PRSS54: variants seen among roughly 807,000 people sequenced by gnomAD.
The protein encoded by PRSS54 is serine protease 54.
A neutral mutation model predicts 19.9 loss-of-function variants in PRSS54; 16 were observed. The observed-to-expected ratio is 0.80, with a 90% confidence interval of 0.54 to 1.22. PRSS54 has a LOEUF of 1.22. Among genes scored for constraint, PRSS54 ranks in the 50% most tolerant of loss-of-function variants. The probability of loss-of-function intolerance (pLI) is 0.00; values close to 1 mark genes in which losing one functional copy is unlikely to be tolerated. For missense variants in PRSS54, 444 were observed against 494.8 expected (o/e 0.90, Z 0.97); for synonymous variants, 177 against 195.8 (o/e 0.90, Z 0.80).
intron 3 of PRSS54, among the ~76,000 whole-genome samples, chr16:58,292,489 A>G (rs1261509476): frequency 1.3e-5 from 2 of 152,212 alleles, no homozygotes; most frequent in Non-Finnish European, 2.9e-5. Flanking sequence ...ACAGTTTCCA[A>G]ACCATGACCC....
At chr16:58,286,673 G>T (rs1413644010) in intron 4 of PRSS54, among the ~76,000 whole-genome samples, 2 of 152,048 alleles carry the variant, frequency 1.3e-5, no homozygotes, top group African/African-American at 4.8e-5. Context: ...GAATTGAGTT[G>T]GATGTTTTCC....
intron 3 of PRSS54, among the ~76,000 whole-genome samples, chr16:58,292,129 A>G (rs1965051700): frequency 1.3e-5 from 2 of 151,986 alleles, no homozygotes; most frequent in Non-Finnish European, 2.9e-5. Context: ...AGGTTTTGCC[A>G]TGTTGGCCAG....
At chr16:58,289,929 C>A (rs998604058) in intron 4 of PRSS54, among the ~76,000 whole-genome samples, 2 of 151,964 alleles carry the variant, frequency 1.3e-5, no homozygotes, top group South Asian at 2.1e-4. Flanking sequence ...TATTCACCAG[C>A]TGCATAATAT....
At chr16:58,284,761 A>G in intron 5 of PRSS54, 40 bp from the exon 6 acceptor site, 1 of 1,611,772 alleles carries the variant, frequency 6.2e-7, no homozygotes, top group Non-Finnish European at 8.5e-7. Context: ...TATTAACGAG[A>G]AGGCAGTCCC....
intron 5 of PRSS54, 68 bp from the exon 6 acceptor site, chr16:58,284,789 CCACT>C: frequency 6.3e-7 from 1 of 1,586,654 alleles, no homozygotes; most frequent in East Asian, 2.2e-5. Context: ...AACACAACTC[CCACT>C]CATATAGCCA....
At position 58,286,154 on chromosome 16, in the gene PRSS54, G is replaced by T; in HGVS notation, c.305C>A (p.Pro102His). 2 of 1,614,180 alleles carry T rather than the reference G, an allele frequency of 1.2e-6. No individual in the cohort carries two copies. Among genetic ancestry groups the T allele is most frequent in the East Asian group, 2.2e-5 (1 of 44,892 alleles). The change falls in exon 5 of 7, where the codon CCT becomes CAT. Residue 102 changes from proline (P) to histidine (H), a missense_variant. Coordinates refer to ENST00000567164, the MANE Select transcript of PRSS54 (RefSeq NM_001305173.2). ...ATACTCTGTGTGAGCAATCTTGCTAGGATCCATGTTACTTATACCCACTAT... is the reference window on the plus strand; with the variant it reads ...ATACTCTGTGTGAGCAATCTTGCTATGATCCATGTTACTTATACCCACTAT... ...VVIVGISNMD[P>H]SKIAHTEYPV...
intron 4 of PRSS54, among the ~76,000 whole-genome samples, chr16:58,288,135 C>T (rs538870286): frequency 6.7e-6 from 1 of 149,848 alleles, no homozygotes; most frequent in Admixed American, 6.6e-5. Flanking sequence ...CATTTTAAAA[C>T]TCTGTCTTGG....
intron 3 of PRSS54, among the ~76,000 whole-genome samples, chr16:58,292,117 T>G (rs1347248356): frequency 6.6e-6 from 1 of 152,086 alleles, no homozygotes; most frequent in African/African-American, 2.4e-5. Context: ...TTAGCAGAGA[T>G]GAGGTTTTGC....
chr16:58,290,939 C>T lies in PRSS54; in HGVS notation c.263+20G>A. ...CTCACCCCCGGCGATGTTGCGGGCCCCAAAGGCAGGGGCACTGGCCTGTTC... is the reference window on the plus strand; with the variant it reads ...CTCACCCCCGGCGATGTTGCGGGCCTCAAAGGCAGGGGCACTGGCCTGTTC... On this transcript the variant is annotated intron_variant, in intron 4 of 6. Coordinates refer to ENST00000567164, the MANE Select transcript of PRSS54 (RefSeq NM_001305173.2). 2 of 1,612,458 alleles carry T rather than the reference C, an allele frequency of 1.2e-6. No individual in the cohort carries two copies. The highest frequency in any genetic ancestry group is 8.5e-7 in the Non-Finnish European group (1 of 1,178,854).
At chr16:58,291,478 T>A (rs1361706339) in intron 3 of PRSS54, among the ~76,000 whole-genome samples, 2 of 152,044 alleles carry the variant, frequency 1.3e-5, no homozygotes, top group Admixed American at 6.5e-5. Flanking sequence ...TATTTTCATT[T>A]TCTTTTCTTT....
rs2142658704 is a variant in PRSS54 at position 58,294,201 on chromosome 16, C to T, written c.-223G>A. 4.6e-6 allele frequency: 1 copy of T among 215,110 alleles called. No homozygotes were observed. Among genetic ancestry groups the T allele is most frequent in the East Asian group, 1.0e-4 (1 of 10,014 alleles). 13.3% of individuals were successfully genotyped at this position (215,110 alleles called of 1,614,324 possible). A position where few individuals can be genotyped will look rare whatever the true frequency, so the allele number is the denominator to read the frequency against. On this transcript the variant is annotated 5_prime_UTR_variant, in exon 2 of 7. The change abolishes an upstream ATG in the 5' untranslated region. Transcript: ENST00000567164. Reference sequence around the variant, plus strand: ...TCAACCCTTGCCTTAACTCTGTAGCCATAAAATGCTGCTGAAAGAAAAGTA... The same window carrying T: ...TCAACCCTTGCCTTAACTCTGTAGCTATAAAATGCTGCTGAAAGAAAAGTA...
In PRSS54 at chr16:58,293,748, A is replaced by C; in HGVS notation, c.69T>G (p.Leu23=). Residue 23 remains leucine (L), a synonymous_variant, in exon 3 of 7, where the codon CTT becomes CTG. Coordinates refer to ENST00000567164, the MANE Select transcript of PRSS54 (RefSeq NM_001305173.2). ...MRGVLLVLLG[L]LYSSTSCGVQ... is the part of the protein sequence containing the mutation. Reference sequence around the variant, plus strand: ...CACACTCACTGGTGGAAGAATAGAGAAGGCCGAGCAGCACCAGGAGCACCC... The same window carrying C: ...CACACTCACTGGTGGAAGAATAGAGCAGGCCGAGCAGCACCAGGAGCACCC... 1 of 1,613,180 alleles carries C rather than the reference A, an allele frequency of 6.2e-7. No individual in the cohort carries two copies. The highest frequency in any genetic ancestry group is 1.6e-4 in the Middle Eastern group (1 of 6,062).
chr16:58,284,334 T>G, intron 6 of PRSS54: 1 of 398,874 alleles, frequency 2.5e-6, no homozygotes. Flanking sequence ...TTTCAAATTT[T>G]TAGCTAGTTA....
intron 4 of PRSS54, among the ~76,000 whole-genome samples, chr16:58,290,148 G>T (rs1305070675): frequency 7.9e-6 from 1 of 127,340 alleles, no homozygotes; most frequent in Non-Finnish European, 1.6e-5. Flanking sequence ...TACATGTATA[G>T]TATACACTAT....
intron 6 of PRSS54, 99 bp from the exon 7 acceptor site, chr16:58,280,856 G>A (rs372353969): frequency 1.8e-5 from 21 of 1,190,878 alleles, no homozygotes; most frequent in South Asian, 6.7e-5. Flanking sequence ...AATGTTTTAC[G>A]CTGGTTCTCA....
At position 58,293,730 on chromosome 16, in the gene PRSS54, A is replaced by G; in HGVS notation, c.85+2T>C. ...TCAGAGGGAGGAAAGCAGCACACTC[A>G]CTGGTGGAAGAATAGAGAAGGCCGA... On this transcript the variant is annotated splice_donor_variant, in intron 3 of 6. Coordinates refer to ENST00000567164, the MANE Select transcript of PRSS54 (RefSeq NM_001305173.2). LOFTEE classifies it high-confidence loss of function. 4 of 1,611,798 alleles carry G rather than the reference A, an allele frequency of 2.5e-6. No homozygotes were observed. Among genetic ancestry groups the G allele is most frequent in the Non-Finnish European group, 3.4e-6 (4 of 1,179,120 alleles).
rs550624125 is a variant in PRSS54, at chr16:58,284,807, G to A, written c.523-86C>T. On this transcript the variant is annotated intron_variant, in intron 5 of 6. Transcript: ENST00000567164. ...ACAACTCCCACTCATATAGCCAAACGAGAGTGAGAATTTTTTTTTTTTTTT... is the reference window on the plus strand; with the variant it reads ...ACAACTCCCACTCATATAGCCAAACAAGAGTGAGAATTTTTTTTTTTTTTT... 157 of 1,479,464 alleles carry A rather than the reference G, an allele frequency of 1.1e-4. No individual in the cohort carries two copies. The African/African-American group carries it at 1.6e-3, about 15-fold the overall frequency. 91.6% of individuals were successfully genotyped at this position (1,479,464 alleles called of 1,614,324 possible).
intron 4 of PRSS54, among the ~76,000 whole-genome samples, chr16:58,287,617 C>T (rs1964946658): frequency 6.6e-6 from 1 of 152,164 alleles, no homozygotes; most frequent in Non-Finnish European, 1.5e-5. Context: ...TTGGCCAAAA[C>T]CAACTGGAAT....
intron 4 of PRSS54, among the ~76,000 whole-genome samples, chr16:58,288,535 T>C (rs115528531): frequency 2.3e-3 from 348 of 152,230 alleles, no homozygotes; most frequent in African/African-American, 7.8e-3. Context: ...AAAATAGCCA[T>C]AATGAAAACA....
Sources: gnomAD v4.1 joint callset for allele counts (sites outside exome capture counted in the v4.1 genomes callset) on GRCh38, gnomAD v4.1.1 for gene constraint, MANE v1.5 for transcripts, NCBI Gene and HGNC (gene_info 2026-07-23, HGNC 2026-07-21) for gene names.